OR2C1: variants seen among roughly 807,000 people sequenced by gnomAD.
The protein encoded by OR2C1 is olfactory receptor 2C1.
For synonymous variants in OR2C1, 209 were observed against 167.3 expected (o/e 1.25, Z -1.92); for missense variants, 468 against 388.3 (o/e 1.21, Z -1.73).
At chr16:3,343,422 G>T in the OR2C1 span, among the ~76,000 whole-genome samples, 1 of 152,020 alleles carries the variant, frequency 6.6e-6, no homozygotes, top group Non-Finnish European at 1.5e-5. Flanking sequence ...ACTTTACGTG[G>T]ACATACATTT....
chr16:3,336,393 G>A, the OR2C1 span, among the ~76,000 whole-genome samples: 1 of 151,492 alleles, frequency 6.6e-6, no homozygotes, highest in Non-Finnish European at 1.5e-5. Flanking sequence ...ATTGAGTCTC[G>A]CTCTGTTGCT....
the OR2C1 span, among the ~76,000 whole-genome samples, chr16:3,343,912 A>G: frequency 6.6e-6 from 1 of 152,150 alleles, no homozygotes; most frequent in Non-Finnish European, 1.5e-5. Context: ...GTTTATCTCG[A>G]CTGGCTTAAG....
chr16:3,357,463 T>C (rs184821467), downstream of OR2C1, among the ~76,000 whole-genome samples: 4 of 152,274 alleles, frequency 2.6e-5, no homozygotes, highest in East Asian at 7.7e-4. Context: ...AGCCTTCAAC[T>C]CCTGGGCTCA....
At chr16:3,349,962 G>C in the OR2C1 span, among the ~76,000 whole-genome samples, 1 of 151,778 alleles carries the variant, frequency 6.6e-6, no homozygotes, top group East Asian at 1.9e-4. Context: ...CGGTGACATG[G>C]TATTAGAGCC....
At chr16:3,331,090 G>C in the OR2C1 span, among the ~76,000 whole-genome samples, 1 of 152,160 alleles carries the variant, frequency 6.6e-6, no homozygotes, top group Non-Finnish European at 1.5e-5. Context: ...TAACTGGTGT[G>C]AGATGGTATC....
the OR2C1 span, among the ~76,000 whole-genome samples, chr16:3,338,994 T>A: frequency 0.52 from 79,701 of 152,024 alleles, 21,199 homozygotes; most frequent in East Asian, 0.68. Context: ...TCCTTATTTG[T>A]TAGGTAATTA....
chr16:3,323,316 C>T, the OR2C1 span: 7 of 1,066,706 alleles, frequency 6.6e-6, no homozygotes, highest in African/African-American at 1.1e-4. Flanking sequence ...GCAAAAGAAC[C>T]ATGAGATCTC....
the OR2C1 span, among the ~76,000 whole-genome samples, chr16:3,330,432 C>T: frequency 6.6e-6 from 1 of 152,064 alleles, no homozygotes. Context: ...AAGACTTTTT[C>T]TAAAGCTACA....
upstream of OR2C1, among the ~76,000 whole-genome samples, chr16:3,353,783 A>G (rs1161893990): frequency 6.6e-6 from 1 of 151,924 alleles, no homozygotes; most frequent in Non-Finnish European, 1.5e-5. Context: ...CCTGGGTGAC[A>G]CTGCTAGACT....
the OR2C1 span, among the ~76,000 whole-genome samples, chr16:3,325,097 T>C: frequency 1.3e-5 from 2 of 152,142 alleles, no homozygotes; most frequent in East Asian, 1.9e-4. Flanking sequence ...TTCTTTTGTC[T>C]CAGCCTCTGA....
At chr16:3,345,109 CACA>C in the OR2C1 span, among the ~76,000 whole-genome samples, 22 of 151,948 alleles carry the variant, frequency 1.4e-4, no homozygotes, top group African/African-American at 5.1e-4. Flanking sequence ...TAAACATACA[CACA>C]ACAACCTGGA....
rs1337417258 is a variant in OR2C1, at chr16:3,356,613, G to T, written c.673G>T (p.Val225Leu). 2 of 1,614,080 alleles carry T rather than the reference G, an allele frequency of 1.2e-6. No individual in the cohort carries two copies. The highest frequency in any genetic ancestry group is 1.1e-5 in the South Asian group (1 of 91,094). ...CTCCTACTGCCTCATTGCTCAGGCA[G>T]TGCTGAAAATCCGCTCTGCAGAGGG... ...VISYCLIAQAVLKIRSAEGRR... is the reference protein window; with the variant it reads ...VISYCLIAQALLKIRSAEGRR... The change falls in exon 1 of 1, where the codon GTG becomes TTG. Residue 225 changes from valine (V) to leucine (L), a missense_variant. Val to Leu is a conservative substitution (Grantham distance 32). Coordinates refer to ENST00000304936, the MANE Select transcript of OR2C1 (RefSeq NM_012368.3).
chr16:3,353,669 T>C (rs913862142), upstream of OR2C1, among the ~76,000 whole-genome samples: 1 of 151,826 alleles, frequency 6.6e-6, no homozygotes, highest in Non-Finnish European at 1.5e-5. Flanking sequence ...GGCGTGGTGG[T>C]GCACTCCTGT....
upstream of OR2C1, among the ~76,000 whole-genome samples, chr16:3,351,512 T>C (rs917914136): frequency 1.3e-5 from 2 of 152,164 alleles, no homozygotes; most frequent in Non-Finnish European, 2.9e-5. Context: ...AACCCACTTC[T>C]CCCTTTAACT....
the OR2C1 span, chr16:3,323,288 C>T: frequency 2.3e-6 from 2 of 881,994 alleles, no homozygotes; most frequent in Non-Finnish European, 3.8e-6. Flanking sequence ...CATGATGGAC[C>T]ACTGAGAGGT....
the OR2C1 span, among the ~76,000 whole-genome samples, chr16:3,337,154 C>CTTT: frequency 3.4e-5 from 5 of 147,774 alleles, no homozygotes; most frequent in Non-Finnish European, 3.0e-5. Flanking sequence ...TGTGTCCGGC[C>CTTT]TTTTTTTTTC....
At chr16:3,325,692 C>G in the OR2C1 span, among the ~76,000 whole-genome samples, 203 of 151,060 alleles carry the variant, frequency 1.3e-3, no homozygotes, top group Middle Eastern at 7.0e-3. Flanking sequence ...TGAATAAACT[C>G]TATGGATACC....
Position 3,356,812 on chromosome 16 carries a change from C to A in OR2C1, c.872C>A (p.Thr291Lys), listed in dbSNP as rs753330784. ...CCCATGGTGAATCCCCTCATCTACA[C>A]GCTGCGGAACATGGAAGTGAAGGGC... ...VTPMVNPLIY[T>K]LRNMEVKGAL... The change falls in exon 1 of 1, where the codon ACG (threonine) becomes AAG (lysine). Residue 291 changes from threonine (T) to lysine (K), a missense_variant. Coordinates refer to ENST00000304936, the MANE Select transcript of OR2C1 (RefSeq NM_012368.3). 1.9e-6 allele frequency: 3 copies of A among 1,613,824 alleles called. No individual in the cohort carries two copies. The highest frequency in any genetic ancestry group is 2.5e-6 in the Non-Finnish European group (3 of 1,179,878).
chr16:3,336,783 A>G, the OR2C1 span, among the ~76,000 whole-genome samples: 3 of 132,000 alleles, frequency 2.3e-5, no homozygotes, highest in Non-Finnish European at 4.6e-5. Flanking sequence ...ATCTCTGCTC[A>G]CTGCAACCTC....
Sources: allele counts gnomAD v4.1 joint callset (sites outside exome capture counted in the v4.1 genomes callset), GRCh38; gene constraint gnomAD v4.1.1; transcripts MANE v1.5; gene names NCBI Gene and HGNC (gene_info 2026-07-23, HGNC 2026-07-21).